Variants in TAS2R1 observed in about 807,000 individuals in gnomAD.
The protein encoded by TAS2R1 is taste receptor type 2 member 1.
For synonymous variants in TAS2R1, 141 were observed against 134.2 expected (o/e 1.05, Z -0.35); for missense variants, 370 against 353.4 (o/e 1.05, Z -0.38).
chr5:9,841,134 CT>C, the TAS2R1 span, among the ~76,000 whole-genome samples: 70 of 152,164 alleles, frequency 4.6e-4, no homozygotes, highest in African/African-American at 1.7e-3. Flanking sequence ...ATATTTCTAC[CT>C]TGAGAGCATG....
the TAS2R1 span, among the ~76,000 whole-genome samples, chr5:9,791,563 A>C: frequency 6.6e-6 from 1 of 152,122 alleles, no homozygotes; most frequent in Non-Finnish European, 1.5e-5. Flanking sequence ...GCCAGGCATC[A>C]TGGCGCATAC....
the TAS2R1 span, among the ~76,000 whole-genome samples, chr5:9,886,594 A>G: frequency 6.6e-6 from 1 of 152,268 alleles, no homozygotes; most frequent in South Asian, 2.1e-4. Flanking sequence ...TCGGCCTCTC[A>G]AAGTGCTGGG....
At chr5:9,694,316 T>C (rs1741314076) in intron 1 of TAS2R1, among the ~76,000 whole-genome samples, 1 of 152,124 alleles carries the variant, frequency 6.6e-6, no homozygotes, top group South Asian at 2.1e-4. Flanking sequence ...CAAAGGGAAA[T>C]GATTTTCCGT....
At chr5:9,837,022 TTGGCTGGC>T in the TAS2R1 span, among the ~76,000 whole-genome samples, 5 of 152,130 alleles carry the variant, frequency 3.3e-5, no homozygotes, top group Admixed American at 3.3e-4. Flanking sequence ...ACGTGACTGG[TTGGCTGGC>T]TGGCTGGCTG....
intron 1 of TAS2R1, among the ~76,000 whole-genome samples, chr5:9,700,161 C>A (rs775672551): frequency 6.6e-6 from 1 of 152,154 alleles, no homozygotes; most frequent in Admixed American, 6.5e-5. Context: ...ATCCATTCCA[C>A]CACTGTCTTT....
At chr5:9,784,074 G>A in the TAS2R1 span, among the ~76,000 whole-genome samples, 1 of 152,204 alleles carries the variant, frequency 6.6e-6, no homozygotes, top group African/African-American at 2.4e-5. Context: ...GTTTAAATAA[G>A]TTAATAAACT....
chr5:9,882,644 T>A, the TAS2R1 span, among the ~76,000 whole-genome samples: 12 of 152,022 alleles, frequency 7.9e-5, no homozygotes, highest in South Asian at 2.1e-4. Context: ...ATAAATAAAT[T>A]AATTAATAAA....
At chr5:9,701,910 A>G (rs1561383330) in intron 1 of TAS2R1, among the ~76,000 whole-genome samples, 1 of 152,232 alleles carries the variant, frequency 6.6e-6, no homozygotes, top group Non-Finnish European at 1.5e-5. Flanking sequence ...TTAATTTAAT[A>G]TAAAGTTTCT....
chr5:9,852,279 G>GT, the TAS2R1 span, among the ~76,000 whole-genome samples: 270 of 147,300 alleles, frequency 1.8e-3, no homozygotes, highest in South Asian at 4.1e-3. Flanking sequence ...TCCACTAGTT[G>GT]TTTTTTTTTT....
chr5:9,710,473 C>A (rs186469802), intron 1 of TAS2R1, among the ~76,000 whole-genome samples: 1 of 152,264 alleles, frequency 6.6e-6, no homozygotes, highest in South Asian at 2.1e-4. Context: ...TTTTGTGAAC[C>A]TTTGCCCCTA....
At chr5:9,834,656 G>T in the TAS2R1 span, among the ~76,000 whole-genome samples, 6 of 151,932 alleles carry the variant, frequency 3.9e-5, no homozygotes, top group African/African-American at 1.5e-4. Flanking sequence ...ACAGGCAATA[G>T]CTCCCTCCCC....
chr5:9,725,553 C>A, the TAS2R1 span, among the ~76,000 whole-genome samples: 1 of 152,198 alleles, frequency 6.6e-6, no homozygotes, highest in African/African-American at 2.4e-5. Flanking sequence ...GCTGCCTCCC[C>A]ACGGGGCAGG....
chr5:9,799,767 G>A, the TAS2R1 span, among the ~76,000 whole-genome samples: 5 of 152,184 alleles, frequency 3.3e-5, no homozygotes, highest in African/African-American at 9.7e-5. Flanking sequence ...TTGCCAAACG[G>A]TAAGTGCTAA....
chr5:9,672,421 TCAAA>T (rs1234776306), intron 1 of TAS2R1, among the ~76,000 whole-genome samples: 3 of 148,760 alleles, frequency 2.0e-5, no homozygotes, highest in Non-Finnish European at 3.0e-5. Flanking sequence ...TATACGGAAC[TCAAA>T]CAAATTTACA....
upstream of TAS2R1, among the ~76,000 whole-genome samples, chr5:9,632,268 T>G (rs1739885729): frequency 6.6e-6 from 1 of 152,220 alleles, no homozygotes; most frequent in African/African-American, 2.4e-5. Flanking sequence ...ATATACATAC[T>G]TTAATTGAAA....
intron 2 of TAS2R1, among the ~76,000 whole-genome samples, chr5:9,637,873 G>GT (rs1425933144): frequency 2.6e-5 from 4 of 151,778 alleles, no homozygotes; most frequent in Non-Finnish European, 5.9e-5. Flanking sequence ...CCTTTCTCTG[G>GT]TATCTTCTTA....
chr5:9,753,506 A>T, the TAS2R1 span, among the ~76,000 whole-genome samples: 2 of 151,804 alleles, frequency 1.3e-5, no homozygotes. Flanking sequence ...TTGCCTGTTC[A>T]CTCTGATGGT....
At chr5:9,635,362 G>A (rs1450550514) in intron 2 of TAS2R1, among the ~76,000 whole-genome samples, 1 of 152,014 alleles carries the variant, frequency 6.6e-6, no homozygotes, top group Non-Finnish European at 1.5e-5. Context: ...ATTTTGTTGG[G>A]GACTTTTGCA....
chr5:9,752,828 T>C, the TAS2R1 span, among the ~76,000 whole-genome samples: 1 of 152,158 alleles, frequency 6.6e-6, no homozygotes, highest in African/African-American at 2.4e-5. Flanking sequence ...GATAGTTTGC[T>C]GAGACTGATG....
Sources: gnomAD v4.1 joint callset for allele counts (sites outside exome capture counted in the v4.1 genomes callset) on GRCh38, gnomAD v4.1.1 for gene constraint, MANE v1.5 for transcripts, NCBI Gene and HGNC (gene_info 2026-07-23, HGNC 2026-07-21) for gene names.